CDH12: variants seen among roughly 807,000 people sequenced by gnomAD.
CDH12 encodes cadherin-12.
CDH12 carries 41 observed loss-of-function variants against 74.1 expected under a neutral mutation model. That is an observed-to-expected ratio of 0.55 (90% confidence interval 0.43 to 0.72). The LOEUF (loss-of-function observed/expected upper bound fraction) is 0.72. Among genes scored for constraint, CDH12 ranks in the 30% least tolerant of loss-of-function variants. The pLI is 0.00. For missense variants in CDH12, 945 were observed against 977.2 expected, an observed-to-expected ratio of 0.97 and a Z score of 0.44; for synonymous variants, 399 against 355.0, an observed-to-expected ratio of 1.12 and a Z score of -1.39.
chr5:22,060,091 T>A (rs1265558634), intron 5 of CDH12, among the ~76,000 whole-genome samples: 7 of 152,116 alleles, frequency 4.6e-5, no homozygotes, highest in Non-Finnish European at 1.0e-4. Context: ...AAAAAGGATG[T>A]GAGCTCTAGG....
chr5:22,608,892 C>T (rs1471862882), intron 1 of CDH12, among the ~76,000 whole-genome samples: 1 of 152,168 alleles, frequency 6.6e-6, no homozygotes, highest in Non-Finnish European at 1.5e-5. Flanking sequence ...TCAATTAAAT[C>T]TCTTTCCTTT....
chr5:22,111,166 G>A (rs978368718), intron 4 of CDH12, among the ~76,000 whole-genome samples: 1 of 151,942 alleles, frequency 6.6e-6, no homozygotes, highest in Admixed American at 6.6e-5. Context: ...GTGGGTGGTG[G>A]TATTTATTCA....
At chr5:21,768,801 C>A (rs148726560) in intron 11 of CDH12, among the ~76,000 whole-genome samples, 1 of 151,996 alleles carries the variant, frequency 6.6e-6, no homozygotes, top group African/African-American at 2.4e-5. Flanking sequence ...TGCCTTGATA[C>A]GAAAACCAAT....
chr5:22,820,031 A>G (rs1749604580), intron 1 of CDH12, among the ~76,000 whole-genome samples: 1 of 147,144 alleles, frequency 6.8e-6, no homozygotes, highest in Admixed American at 6.9e-5. Flanking sequence ...ATATATATAC[A>G]TATACATATA....
chr5:21,914,794 T>C (rs931698222), intron 6 of CDH12, among the ~76,000 whole-genome samples: 1 of 152,252 alleles, frequency 6.6e-6, no homozygotes, highest in African/African-American at 2.4e-5. Flanking sequence ...ATCTTCACAG[T>C]AACACCTCAA....
intron 1 of CDH12, among the ~76,000 whole-genome samples, chr5:22,586,152 A>T (rs1029035231): frequency 6.6e-6 from 1 of 152,208 alleles, no homozygotes; most frequent in Non-Finnish European, 1.5e-5. Flanking sequence ...ATGGAATACT[A>T]TGCAGCCATA....
intron 10 of CDH12, among the ~76,000 whole-genome samples, chr5:21,800,247 T>C (rs773496130): frequency 2.6e-4 from 39 of 152,248 alleles, no homozygotes; most frequent in Middle Eastern, 3.4e-3. Context: ...GATGACACTT[T>C]GGATTTTAAT....
intron 1 of CDH12, among the ~76,000 whole-genome samples, chr5:22,674,263 T>A (rs1455336183): frequency 1.3e-5 from 2 of 152,106 alleles, no homozygotes; most frequent in East Asian, 3.9e-4. Context: ...TAGGGGCAGG[T>A]CTTTTCCGTG....
Position 21,935,841 on chromosome 5 carries a change from C to T in CDH12, c.526+39250G>A, listed in dbSNP as rs140629814. Among the ~76,000 whole-genome samples the T allele has an allele frequency of 9.3e-3, 1,415 of 152,270 alleles. 19 individuals carry two copies. The highest frequency in any genetic ancestry group is 0.033 in the African/African-American group (1,352 of 41,546). On this transcript the variant is annotated intron_variant, in intron 6 of 14. Transcript: ENST00000382254. ...GCTCCCACAAATAAGTGAGAGCATC[C>T]GAAGTTTGTCTTTCTGTGCCTGGCT...
At chr5:22,486,296 C>G (rs961696798) in intron 2 of CDH12, among the ~76,000 whole-genome samples, 3 of 152,054 alleles carry the variant, frequency 2.0e-5, no homozygotes, top group African/African-American at 7.2e-5. Flanking sequence ...AAGTCACCAC[C>G]CACTAACTAA....
chr5:22,740,212 G>A (rs1023785461), intron 1 of CDH12, among the ~76,000 whole-genome samples: 1 of 152,042 alleles, frequency 6.6e-6, no homozygotes, highest in African/African-American at 2.4e-5. Flanking sequence ...AACAGGAAAA[G>A]AAGCTCCTGA....
intron 1 of CDH12, among the ~76,000 whole-genome samples, chr5:22,664,870 T>C (rs1740532730): frequency 6.6e-6 from 1 of 152,224 alleles, no homozygotes; most frequent in Non-Finnish European, 1.5e-5. Context: ...CATTTGAATT[T>C]GAATTTGATT....
chr5:22,705,269 C>G (rs1021516596), intron 1 of CDH12, among the ~76,000 whole-genome samples: 1 of 151,594 alleles, frequency 6.6e-6, no homozygotes, highest in East Asian at 2.0e-4. Context: ...GCTTACATTT[C>G]CTTGCTCAGG....
At chr5:22,230,571 A>C (rs572867552) in intron 3 of CDH12, among the ~76,000 whole-genome samples, 1 of 151,466 alleles carries the variant, frequency 6.6e-6, no homozygotes, top group Admixed American at 6.6e-5. Context: ...TCCCGGTTTA[A>C]GCGATTCTCC....
intron 10 of CDH12, among the ~76,000 whole-genome samples, chr5:21,795,970 G>A (rs1159408518): frequency 6.6e-6 from 1 of 151,912 alleles, no homozygotes; most frequent in Non-Finnish European, 1.5e-5. Flanking sequence ...CATTTTTGTG[G>A]AAACAGGCAT....
intron 6 of CDH12, among the ~76,000 whole-genome samples, chr5:21,875,492 C>T (rs1278218127): frequency 4.5e-5 from 2 of 44,456 alleles, no homozygotes; most frequent in Non-Finnish European, 9.7e-5. Context: ...GAAACAGAAT[C>T]GTGTCTGAAC....
At chr5:22,020,347 A>C (rs753666123) in intron 5 of CDH12, among the ~76,000 whole-genome samples, 3 of 152,042 alleles carry the variant, frequency 2.0e-5, no homozygotes, top group Non-Finnish European at 2.9e-5. Flanking sequence ...TGAGGTCAGG[A>C]GTTCAAGACC....
intron 3 of CDH12, among the ~76,000 whole-genome samples, chr5:22,235,727 CAT>C (rs1316905199): frequency 6.6e-6 from 1 of 152,076 alleles, no homozygotes; most frequent in African/African-American, 2.4e-5. Flanking sequence ...GTCTAAAGAA[CAT>C]ATGGAAATAA....
At chr5:22,350,751 G>A (rs1740324660) in intron 3 of CDH12, among the ~76,000 whole-genome samples, 1 of 152,160 alleles carries the variant, frequency 6.6e-6, no homozygotes. Flanking sequence ...TGGACAAGTG[G>A]CTAGGTATAT....
Sources: allele counts gnomAD v4.1 joint callset (sites outside exome capture counted in the v4.1 genomes callset), GRCh38; gene constraint gnomAD v4.1.1; transcripts MANE v1.5; gene names NCBI Gene and HGNC (gene_info 2026-07-23, HGNC 2026-07-21).